KDM4C: variants seen among roughly 807,000 people sequenced by gnomAD.
KDM4C encodes the protein lysine-specific demethylase 4C.
Under a neutral mutation model 129.3 loss-of-function variants are expected in KDM4C, and 81 were observed. The observed-to-expected ratio is 0.63, with a 90% confidence interval of 0.52 to 0.75. The LOEUF is 0.75. Ranked by LOEUF, KDM4C falls within the 30% of genes least tolerant of loss-of-function variation. The pLI, the probability that KDM4C is intolerant of heterozygous loss-of-function variation, is 0.00. For missense variants in KDM4C, 1,457 were observed against 1,304.0 expected (o/e 1.12, Z -1.81); for synonymous variants, 573 against 456.1 (o/e 1.26, Z -3.26).
chr9:6,898,280 A>G lies in KDM4C; in HGVS notation c.921+5048A>G, dbSNP rs534943926. Reference sequence around the variant, plus strand: ...CTATGATTGTCTCGAAGGGAAGAAAAGTTATTTACTGTACTGATTTTCTTG... The same window carrying G: ...CTATGATTGTCTCGAAGGGAAGAAAGGTTATTTACTGTACTGATTTTCTTG... On this transcript the variant is annotated intron_variant, in intron 8 of 21. Coordinates refer to ENST00000381309, the MANE Select transcript of KDM4C (RefSeq NM_015061.6). Among the ~76,000 whole-genome samples, 5 of 152,258 alleles carry G rather than the reference A, an allele frequency of 3.3e-5. No individual in the cohort carries two copies. In the South Asian group the frequency reaches 1.0e-3, roughly 32 times the overall value.
intron 15 of KDM4C, among the ~76,000 whole-genome samples, chr9:7,032,109 A>G (rs1477054236): frequency 6.6e-6 from 1 of 152,218 alleles, no homozygotes; most frequent in East Asian, 1.9e-4. Context: ...TTACTTTTCC[A>G]TAATATTAGG....
At chr9:6,971,336 G>C (rs957808949) in intron 8 of KDM4C, among the ~76,000 whole-genome samples, 1 of 152,142 alleles carries the variant, frequency 6.6e-6, no homozygotes, top group Non-Finnish European at 1.5e-5. Context: ...ATTTATTCCA[G>C]TTTGGATTTA....
At chr9:6,857,809 C>T (rs1376376345) in intron 5 of KDM4C, among the ~76,000 whole-genome samples, 1 of 148,706 alleles carries the variant, frequency 6.7e-6, no homozygotes, top group African/African-American at 2.5e-5. Flanking sequence ...GATTGGAGTG[C>T]AGTGGTGCAA....
chr9:6,832,987 C>T (rs1385395443), intron 4 of KDM4C, among the ~76,000 whole-genome samples: 1 of 151,652 alleles, frequency 6.6e-6, no homozygotes, highest in East Asian at 1.9e-4. Flanking sequence ...CTGCTTGCCT[C>T]GGCCTCCCAA....
At chr9:7,034,282 T>G (rs188248155) in intron 15 of KDM4C, among the ~76,000 whole-genome samples, 36 of 152,350 alleles carry the variant, frequency 2.4e-4, no homozygotes, top group Admixed American at 2.2e-3. Context: ...TACACTGGTA[T>G]AGACCACAGA....
At chr9:6,879,142 A>G (rs1588892294) in intron 5 of KDM4C, among the ~76,000 whole-genome samples, 1 of 152,240 alleles carries the variant, frequency 6.6e-6, no homozygotes, top group East Asian at 1.9e-4. Context: ...TACTAAGTAT[A>G]TATTGAGCTA....
intron 19 of KDM4C, among the ~76,000 whole-genome samples, chr9:7,154,289 T>A (rs1842960754): frequency 6.6e-6 from 1 of 152,224 alleles, no homozygotes; most frequent in South Asian, 2.1e-4. Context: ...CGATAGCAGC[T>A]GTTGGCATTT....
chr9:7,133,063 G>A (rs988869088), intron 19 of KDM4C, among the ~76,000 whole-genome samples: 4 of 152,158 alleles, frequency 2.6e-5, no homozygotes, highest in African/African-American at 9.7e-5. Flanking sequence ...GGTTCTTGCA[G>A]CCAATGTTTT....
chr9:7,002,996 G>T (rs1821007839), intron 12 of KDM4C, among the ~76,000 whole-genome samples: 1 of 152,220 alleles, frequency 6.6e-6, no homozygotes, highest in South Asian at 2.1e-4. Context: ...GAGTAACTGG[G>T]ACTGCAGGCG....
chr9:6,901,364 C>T (rs1469670987), intron 8 of KDM4C, among the ~76,000 whole-genome samples: 2 of 152,194 alleles, frequency 1.3e-5, no homozygotes, highest in Non-Finnish European at 2.9e-5. Flanking sequence ...CTCAAAAGGG[C>T]TCTTACCTCA....
intron 5 of KDM4C, among the ~76,000 whole-genome samples, chr9:6,853,473 A>G (rs972438392): frequency 6.6e-6 from 1 of 152,232 alleles, no homozygotes; most frequent in Non-Finnish European, 1.5e-5. Context: ...AGCCTGGACA[A>G]CGGAGGGAGA....
intron 5 of KDM4C, among the ~76,000 whole-genome samples, chr9:6,871,218 C>G (rs961242627): frequency 1.3e-5 from 2 of 152,168 alleles, no homozygotes; most frequent in Non-Finnish European, 2.9e-5. Context: ...CTAGAGAAAA[C>G]TTGAACTAGA....
At chr9:7,093,052 C>G (rs1835984306) in intron 17 of KDM4C, among the ~76,000 whole-genome samples, 1 of 152,074 alleles carries the variant, frequency 6.6e-6, no homozygotes, top group Non-Finnish European at 1.5e-5. Flanking sequence ...AATTGCTGGG[C>G]TTGTCCAATA....
chr9:6,789,176 C>A (rs370918551), intron 1 of KDM4C, among the ~76,000 whole-genome samples: 1 of 150,376 alleles, frequency 6.6e-6, no homozygotes, highest in African/African-American at 2.5e-5. Flanking sequence ...TCTCAGCCTC[C>A]GAGTAGCTGG....
chr9:7,107,142 G>T (rs997576184), intron 18 of KDM4C, among the ~76,000 whole-genome samples: 3 of 152,156 alleles, frequency 2.0e-5, no homozygotes, highest in Non-Finnish European at 4.4e-5. Context: ...TCATCTGTCG[G>T]TGTGTGTAGT....
Position 6,984,413 on chromosome 9 carries a change from A to G in KDM4C, c.1354+9A>G. ...TCATATCAAACTCTCAGGTGAGAAG[A>G]TGGTTGATTAGGTTTCACATATAAG... On this transcript the variant is annotated intron_variant, in intron 10 of 21. Transcript: ENST00000381309. 6 of 1,566,166 alleles carry G rather than the reference A, an allele frequency of 3.8e-6. No individual in the cohort carries two copies. Among genetic ancestry groups the G allele is most frequent in the Non-Finnish European group, 5.3e-6 (6 of 1,137,244 alleles).
intron 15 of KDM4C, among the ~76,000 whole-genome samples, chr9:7,025,954 C>T (rs557909872): frequency 1.3e-5 from 2 of 152,212 alleles, no homozygotes; most frequent in East Asian, 1.9e-4. Flanking sequence ...CCTGTAATCC[C>T]AGCACTCTGG....
chr9:6,856,539 C>CGTGCGTGTGTGTGT (rs375228454), intron 5 of KDM4C, among the ~76,000 whole-genome samples: 6 of 131,546 alleles, frequency 4.6e-5, no homozygotes, highest in African/African-American at 1.7e-4. Flanking sequence ...TCTCTGTGTG[C>CGTGCGTGTGTGTGT]GTGTGTGTGT....
chr9:7,005,726 A>G (rs1411793061), intron 12 of KDM4C, among the ~76,000 whole-genome samples: 1 of 152,196 alleles, frequency 6.6e-6, no homozygotes, highest in Non-Finnish European at 1.5e-5. Context: ...GGTTGCGCAT[A>G]CCAGCAAATA....
Sources: allele counts gnomAD v4.1 joint callset (sites outside exome capture counted in the v4.1 genomes callset), GRCh38; gene constraint gnomAD v4.1.1; transcripts MANE v1.5; gene names NCBI Gene and HGNC (gene_info 2026-07-23, HGNC 2026-07-21).